The following MYO1D variants were observed in gnomAD, a reference collection of about 807,000 sequenced individuals.
MYO1D encodes unconventional myosin-Id.
Under a neutral mutation model 122.0 loss-of-function variants are expected in MYO1D, and 83 were observed. That is an observed-to-expected ratio of 0.68 (90% CI 0.57 to 0.82). MYO1D has a LOEUF of 0.82. MYO1D is among the 40% of genes least tolerant of loss of function. The pLI is 0.00. For missense variants in MYO1D, 1,157 were observed against 1,269.5 expected (o/e 0.91, Z 1.35); for synonymous variants, 464 against 446.9 (o/e 1.04, Z -0.48).
chr17:32,733,191 G>A (rs2089660600), intron 14 of MYO1D, among the ~76,000 whole-genome samples: 1 of 152,238 alleles, frequency 6.6e-6, no homozygotes, highest in Non-Finnish European at 1.5e-5. Flanking sequence ...GGTGGAACAA[G>A]CCTGGCAGGC....
intron 1 of MYO1D, among the ~76,000 whole-genome samples, chr17:32,817,071 T>C (rs1327920495): frequency 3.9e-5 from 6 of 152,166 alleles, no homozygotes; most frequent in Admixed American, 2.0e-4. Flanking sequence ...AAATAGTAAT[T>C]ATCTGCTAGC....
In MYO1D at chr17:32,524,614, A is replaced by G. The variant is rs1015328310; in HGVS notation, c.2865-29699T>C. Among the ~76,000 whole-genome samples the G allele has an allele frequency of 1.0e-4, 14 of 136,192 alleles. No individual in the cohort carries two copies. The East Asian group carries it at 2.8e-3, about 27-fold the overall frequency. The allele number at this position is 136,192 out of a possible 152,430, so 89.3% of individuals were successfully genotyped here. ...AGTCTCGCTCTTTTGCTCAGGCTGG[A>G]GTGCAGTGGCATGATCTCGGCTCAC... On this transcript the variant is annotated intron_variant, in intron 21 of 21. Transcript: ENST00000318217.
intron 1 of MYO1D, among the ~76,000 whole-genome samples, chr17:32,823,935 T>C (rs763939919): frequency 2.0e-5 from 3 of 151,656 alleles, no homozygotes; most frequent in Non-Finnish European, 4.4e-5. Context: ...GGCGTGGTGG[T>C]GGGCACCTGT....
At chr17:32,768,553 T>C (rs2090083653) in intron 6 of MYO1D, among the ~76,000 whole-genome samples, 2 of 152,222 alleles carry the variant, frequency 1.3e-5, no homozygotes, top group African/African-American at 2.4e-5. Context: ...CCTGGCCTGA[T>C]GCTCACTTGT....
At chr17:32,791,594 A>G (rs776469424) in intron 1 of MYO1D, among the ~76,000 whole-genome samples, 5 of 152,120 alleles carry the variant, frequency 3.3e-5, no homozygotes, top group Non-Finnish European at 7.4e-5. Context: ...AAAAATAACT[A>G]CATACATATA....
chr17:32,507,920 G>A (rs531315334), intron 21 of MYO1D, among the ~76,000 whole-genome samples: 111 of 137,994 alleles, frequency 8.0e-4, no homozygotes, highest in South Asian at 2.3e-4. Flanking sequence ...TTTTTGAGAC[G>A]GAGTCTCGCT....
intron 16 of MYO1D, among the ~76,000 whole-genome samples, chr17:32,669,048 A>G (rs1597989389): frequency 1.3e-5 from 2 of 152,298 alleles, no homozygotes; most frequent in Middle Eastern, 3.4e-3. Flanking sequence ...AGAATTGAAA[A>G]AAACCATAAC....
intron 21 of MYO1D, among the ~76,000 whole-genome samples, chr17:32,539,192 A>G (rs1249781945): frequency 6.6e-6 from 1 of 151,852 alleles, no homozygotes; most frequent in Admixed American, 6.6e-5. Flanking sequence ...CTGTAATGCC[A>G]GCACTTTGGG....
chr17:32,804,339 T>C (rs1472622721), intron 1 of MYO1D, among the ~76,000 whole-genome samples: 1 of 152,220 alleles, frequency 6.6e-6, no homozygotes, highest in African/African-American at 2.4e-5. Flanking sequence ...GACACATAGA[T>C]ATAGAGGGCT....
intron 1 of MYO1D, among the ~76,000 whole-genome samples, chr17:32,858,160 C>T (rs747908223): frequency 3.3e-5 from 5 of 152,142 alleles, no homozygotes; most frequent in Non-Finnish European, 7.4e-5. Flanking sequence ...TTACAAGAAC[C>T]TAATGAGTGA....
chr17:32,598,036 A>C (rs914027088), intron 21 of MYO1D, among the ~76,000 whole-genome samples: 1 of 152,164 alleles, frequency 6.6e-6, no homozygotes, highest in African/African-American at 2.4e-5. Flanking sequence ...AGCATTTACA[A>C]TGAACAAAAG....
chr17:32,688,750 C>T (rs1307530548), intron 16 of MYO1D, among the ~76,000 whole-genome samples: 2 of 152,156 alleles, frequency 1.3e-5, no homozygotes, highest in Non-Finnish European at 2.9e-5. Context: ...GGAGACACAA[C>T]ACCATAAAAC....
At chr17:32,871,786 C>T (rs910356187) in intron 1 of MYO1D, among the ~76,000 whole-genome samples, 5 of 152,138 alleles carry the variant, frequency 3.3e-5, no homozygotes, top group South Asian at 2.1e-4. Flanking sequence ...AGGAGCACGC[C>T]GAGGAGCAGA....
chr17:32,523,043 C>A (rs1204932706), intron 21 of MYO1D, among the ~76,000 whole-genome samples: 1 of 152,194 alleles, frequency 6.6e-6, no homozygotes, highest in Non-Finnish European at 1.5e-5. Flanking sequence ...TCTCGATCTC[C>A]TGACCTTGTG....
At chr17:32,688,304 A>G (rs1197684638) in intron 16 of MYO1D, among the ~76,000 whole-genome samples, 1 of 152,254 alleles carries the variant, frequency 6.6e-6, no homozygotes, top group African/African-American at 2.4e-5. Flanking sequence ...ACACTTGATC[A>G]TAATAGATAT....
chr17:32,566,237 G>A (rs1158361988), intron 21 of MYO1D, among the ~76,000 whole-genome samples: 1 of 152,146 alleles, frequency 6.6e-6, no homozygotes, highest in Admixed American at 6.5e-5. Context: ...GTGGTGTTAT[G>A]AAGGAGAAAA....
In MYO1D at chr17:32,721,094, T is replaced by A. The variant is rs147664989; in HGVS notation, c.1842A>T (p.Gly614=). ...ERCRHQVEYL[G]LLENVRVRRA... Reference sequence around the variant, plus strand: ...GACGCACTCTCACATTTTCCAGTAGTCCAAGATATTCTACTTGGTGCCGGC... The same window carrying A: ...GACGCACTCTCACATTTTCCAGTAGACCAAGATATTCTACTTGGTGCCGGC... The change falls in exon 15 of 22, where the codon GGA becomes GGT. Residue 614 remains glycine, a synonymous_variant. Coordinates refer to ENST00000318217, the MANE Select transcript of MYO1D (RefSeq NM_015194.3). The A allele has an allele frequency of 3.9e-5, 63 of 1,614,004 alleles. No homozygotes were observed. The African/African-American group carries it at 8.0e-4, about 21-fold the overall frequency.
intron 1 of MYO1D, among the ~76,000 whole-genome samples, chr17:32,863,706 A>G (rs62070187): frequency 0.14 from 22,055 of 152,284 alleles, 2,046 homozygotes; most frequent in Middle Eastern, 0.29. Flanking sequence ...CACATTCTTT[A>G]TATTCTGCTT....
intron 19 of MYO1D, among the ~76,000 whole-genome samples, chr17:32,643,922 C>G (rs2088245519): frequency 6.6e-6 from 1 of 152,172 alleles, no homozygotes; most frequent in Admixed American, 6.5e-5. Flanking sequence ...CCATCTCCTT[C>G]AGTTCTGCTC....
Sources: gnomAD v4.1 joint callset for allele counts (sites outside exome capture counted in the v4.1 genomes callset) on GRCh38, gnomAD v4.1.1 for gene constraint, MANE v1.5 for transcripts, NCBI Gene and HGNC (gene_info 2026-07-23, HGNC 2026-07-21) for gene names.